WDR11: variants seen among roughly 807,000 people sequenced by gnomAD.
WDR11 encodes the protein WD repeat-containing protein 11.
In WDR11, 83 loss-of-function variants were observed where a neutral mutation model predicts 151.2. The ratio of observed to expected loss-of-function variants is 0.55; its 90% CI spans 0.46 to 0.66. WDR11 has a LOEUF of 0.66. WDR11 is among the 30% of genes least tolerant of loss of function. The pLI is 0.00. For synonymous variants in WDR11, 484 were observed against 533.1 expected (o/e 0.91, Z 1.27); for missense variants, 1,301 against 1,480.9 (o/e 0.88, Z 1.99).
At chr10:120,864,916 A>C (rs1054001566) in intron 5 of WDR11, 131 bp from the exon 6 acceptor site, 3 of 1,027,684 alleles carry the variant, frequency 2.9e-6, no homozygotes, top group Admixed American at 2.1e-5. Context: ...ATGCCAACCC[A>C]TGTTGGTCAC....
At chr10:120,872,719 A>G (rs1451964204) in intron 10 of WDR11, among the ~76,000 whole-genome samples, 1 of 152,150 alleles carries the variant, frequency 6.6e-6, no homozygotes, top group Middle Eastern at 3.2e-3. Context: ...TCATTGGATT[A>G]TTATGAAGTT....
chr10:120,909,421 T>C lies in WDR11; in HGVS notation c.*708T>C, dbSNP rs1359201028. The C allele has an allele frequency of 6.5e-6, 1 of 152,896 alleles. No homozygotes were observed. The highest frequency in any genetic ancestry group is 1.5e-5 in the Non-Finnish European group (1 of 68,212). 9.5% of individuals were successfully genotyped at this position (152,896 alleles called of 1,614,324 possible). ...TTTCTTTGTACTTTAATGTTCTCTC[T>C]GTTCTAATAGTTGAAGTATGAGATG... On this transcript the variant is annotated 3_prime_UTR_variant, in exon 29 of 29. Transcript: ENST00000263461.
chr10:120,870,702 T>C (rs1846505897), intron 9 of WDR11, among the ~76,000 whole-genome samples: 1 of 152,214 alleles, frequency 6.6e-6, no homozygotes, highest in Non-Finnish European at 1.5e-5. Context: ...GAATAAGTTA[T>C]TTAAATCTGT....
intron 11 of WDR11, among the ~76,000 whole-genome samples, chr10:120,875,585 A>G (rs1416045451): frequency 1.3e-5 from 2 of 152,084 alleles, no homozygotes; most frequent in East Asian, 1.9e-4. Context: ...GCTCACTACA[A>G]TCTCCGCCTC....
At chr10:120,903,264 G>A (rs1393432919) in intron 23 of WDR11, 32 bp downstream of exon 23, 4 of 1,612,252 alleles carry the variant, frequency 2.5e-6, no homozygotes, top group Non-Finnish European at 2.5e-6. Context: ...AACCTTTAGA[G>A]CTGTCATCTT....
In WDR11 at chr10:120,858,804, A is replaced by C; in HGVS notation, c.352+8A>C. ...ATGCCAAGCCTATCCAGGGTGAGGAAAGTCTGCTCAGCTAAGTGTGTATAT... is the reference window on the plus strand; with the variant it reads ...ATGCCAAGCCTATCCAGGGTGAGGACAGTCTGCTCAGCTAAGTGTGTATAT... On this transcript the variant is annotated splice_region_variant and intron_variant, in intron 3 of 28. Transcript: ENST00000263461. 2 of 1,614,122 alleles carry C rather than the reference A, an allele frequency of 1.2e-6. No individual in the cohort carries two copies. Among genetic ancestry groups the C allele is most frequent in the Non-Finnish European group, 1.7e-6 (2 of 1,179,996 alleles).
chr10:120,890,594 G>A, intron 18 of WDR11, 122 bp from the exon 19 acceptor site: 1 of 1,069,314 alleles, frequency 9.4e-7, no homozygotes, highest in South Asian at 1.3e-5. Flanking sequence ...ATTGCCAGAG[G>A]CTGTTCAGTT....
At chr10:120,858,580 G>T (rs1846027394) in intron 2 of WDR11, 63 bp from the exon 3 acceptor site, 9 of 1,597,614 alleles carry the variant, frequency 5.6e-6, no homozygotes, top group South Asian at 1.1e-5. Context: ...GATGTTTTGT[G>T]AAAATTATGT....
intron 9 of WDR11, 55 bp downstream of exon 9, chr10:120,867,224 TTAATAGAATCACTCACTTG>T: frequency 8.1e-7 from 1 of 1,238,438 alleles, no homozygotes; most frequent in Admixed American, 1.7e-5. Context: ...AAGGGCAAAA[TTAATAGAATCACTCACTTG>T]TAATTATTTT....
chr10:120,871,494 T>TA (rs5788450), intron 10 of WDR11, 148 bp downstream of exon 10: 26 of 486,990 alleles, frequency 5.3e-5, no homozygotes, highest in East Asian at 1.6e-4. Flanking sequence ...TCCTGGAACT[T>TA]AAAAAAAAAA....
At chr10:120,861,369 TGTGCATAC>T (rs1846134617) in intron 4 of WDR11, among the ~76,000 whole-genome samples, 1 of 152,180 alleles carries the variant, frequency 6.6e-6, no homozygotes, top group African/African-American at 2.4e-5. Context: ...TATATGGACG[TGTGCATAC>T]ATACACTCAC....
chr10:120,908,055 CAGAGTACCCA>C, intron 28 of WDR11: 1 of 175,570 alleles, frequency 5.7e-6, no homozygotes. Flanking sequence ...AGCATCAGCA[CAGAGTACCCA>C]ATAGGCTGTT....
intron 15 of WDR11, among the ~76,000 whole-genome samples, chr10:120,886,264 G>A (rs1023713198): frequency 2.0e-5 from 3 of 152,022 alleles, no homozygotes; most frequent in Non-Finnish European, 4.4e-5. Context: ...TAGACATACA[G>A]ATAGATCATA....
chr10:120,892,793 G>A (rs1847470795), intron 19 of WDR11, among the ~76,000 whole-genome samples: 1 of 152,096 alleles, frequency 6.6e-6, no homozygotes, highest in African/African-American at 2.4e-5. Flanking sequence ...TCCTGTTTTT[G>A]AGTTGGAGAA....
intron 12 of WDR11, chr10:120,880,343 C>T (rs559638095): frequency 1.3e-5 from 2 of 154,120 alleles, no homozygotes; most frequent in South Asian, 4.0e-4. Flanking sequence ...TAAGAATATT[C>T]TTTGAACTTA....
intron 7 of WDR11, 127 bp downstream of exon 7, chr10:120,865,871 G>C: frequency 1.5e-6 from 1 of 671,654 alleles, no homozygotes; most frequent in Non-Finnish European, 2.6e-6. Flanking sequence ...TTAAAATATG[G>C]TTATAATAAG....
At chr10:120,889,654 G>C in intron 17 of WDR11, 1 of 526,886 alleles carries the variant, frequency 1.9e-6, no homozygotes, top group Non-Finnish European at 3.4e-6. Flanking sequence ...AACTTGGGAG[G>C]ATGGGCCTTG....
intron 12 of WDR11, chr10:120,879,487 TATC>T (rs1245894820): frequency 6.6e-6 from 1 of 152,174 alleles, no homozygotes; most frequent in Non-Finnish European, 1.5e-5. Context: ...TGTTGTCTAG[TATC>T]ATTGACTTAA....
intron 19 of WDR11, among the ~76,000 whole-genome samples, chr10:120,897,090 G>C (rs1189956132): frequency 6.6e-6 from 1 of 152,134 alleles, no homozygotes; most frequent in African/African-American, 2.4e-5. Context: ...GACATAAGAG[G>C]CTTCTCCTGT....
Sources: gnomAD v4.1 joint callset for allele counts (sites outside exome capture counted in the v4.1 genomes callset) on GRCh38, gnomAD v4.1.1 for gene constraint, MANE v1.5 for transcripts, NCBI Gene and HGNC (gene_info 2026-07-23, HGNC 2026-07-21) for gene names.